RBM33: variants seen among roughly 807,000 people sequenced by gnomAD.
The protein encoded by RBM33 is RNA binding motif protein 33, also known as RNA-binding protein 33.
Under a neutral mutation model 132.6 loss-of-function variants are expected in RBM33, and 28 were observed. The ratio of observed to expected loss-of-function variants is 0.21; its 90% CI spans 0.16 to 0.29. The LOEUF is 0.29. RBM33 is among the 10% of genes least tolerant of loss of function. The pLI is 1.00. For synonymous variants in RBM33, 634 were observed against 593.0 expected (o/e 1.07, Z -1.01); for missense variants, 1,291 against 1,518.5 (o/e 0.85, Z 2.49).
intron 1 of RBM33, among the ~76,000 whole-genome samples, chr7:155,664,122 T>A (rs1164501195): frequency 6.6e-6 from 1 of 152,202 alleles, no homozygotes; most frequent in East Asian, 1.9e-4. Flanking sequence ...GGAATGTGGC[T>A]TGTTCACATT....
At chr7:155,666,138 A>C (rs1388700403) in intron 2 of RBM33, among the ~76,000 whole-genome samples, 1 of 152,176 alleles carries the variant, frequency 6.6e-6, no homozygotes, top group Non-Finnish European at 1.5e-5. Flanking sequence ...ATTCATTATG[A>C]AGGACTGGCT....
intron 14 of RBM33, among the ~76,000 whole-genome samples, chr7:155,760,053 T>C (rs1431105355): frequency 6.6e-6 from 1 of 152,246 alleles, no homozygotes; most frequent in East Asian, 1.9e-4. Context: ...ATTCTGATGC[T>C]ATAATCTCTC....
At chr7:155,773,174 A>T (rs1019936688) in intron 16 of RBM33, among the ~76,000 whole-genome samples, 25 of 152,188 alleles carry the variant, frequency 1.6e-4, no homozygotes, top group African/African-American at 5.5e-4. Context: ...AGACACAGCA[A>T]ATAGTTTCTG....
At chr7:155,646,363 A>G (rs968935083) in intron 1 of RBM33, among the ~76,000 whole-genome samples, 1 of 152,218 alleles carries the variant, frequency 6.6e-6, no homozygotes, top group African/African-American at 2.4e-5. Context: ...TGAGGTCAGA[A>G]GTTTTGAGAA....
chr7:155,746,052 T>C (rs929599698), intron 14 of RBM33, among the ~76,000 whole-genome samples: 4 of 152,216 alleles, frequency 2.6e-5, no homozygotes, highest in Non-Finnish European at 4.4e-5. Context: ...GTGTCGCCCA[T>C]CTGAGCAGAA....
intron 14 of RBM33, 55 bp from the exon 15 acceptor site, chr7:155,763,757 G>C (rs2117068135): frequency 6.6e-7 from 1 of 1,523,200 alleles, no homozygotes; most frequent in Non-Finnish European, 9.0e-7. Flanking sequence ...ATGCTGGGGA[G>C]GAGCTTTTGG....
chr7:155,683,228 T>C (rs115873884), intron 5 of RBM33, among the ~76,000 whole-genome samples: 115 of 152,268 alleles, frequency 7.6e-4, no homozygotes, highest in African/African-American at 2.6e-3. Context: ...CAGGAGGAGA[T>C]ACGCAGAGAA....
At chr7:155,700,244 G>A (rs1799918294) in intron 5 of RBM33, among the ~76,000 whole-genome samples, 3 of 152,326 alleles carry the variant, frequency 2.0e-5, no homozygotes, top group African/African-American at 4.8e-5. Flanking sequence ...GAAGTAAAAA[G>A]GAGTGAGAAA....
intron 7 of RBM33, 108 bp from the exon 8 acceptor site, chr7:155,711,095 G>T: frequency 7.2e-7 from 1 of 1,388,760 alleles, no homozygotes; most frequent in East Asian, 2.9e-5. Flanking sequence ...AATGCAATCA[G>T]TGTAAATTTG....
chr7:155,701,139 G>A, intron 6 of RBM33, 195 bp downstream of exon 6: 1 of 588,386 alleles, frequency 1.7e-6, no homozygotes, highest in East Asian at 2.8e-5. Flanking sequence ...TGCTGTTTAT[G>A]GATTTAAAAT....
chr7:155,666,116 A>G (rs1798793954), intron 2 of RBM33, among the ~76,000 whole-genome samples: 1 of 152,178 alleles, frequency 6.6e-6, no homozygotes, highest in Non-Finnish European at 1.5e-5. Context: ...CCAAAAGAAT[A>G]TATGTAGAAA....
intron 9 of RBM33, among the ~76,000 whole-genome samples, chr7:155,734,919 G>T: frequency 6.6e-6 from 1 of 152,080 alleles, no homozygotes; most frequent in Non-Finnish European, 1.5e-5. Flanking sequence ...AAATAATGCA[G>T]AACCTTGATT....
intron 14 of RBM33, among the ~76,000 whole-genome samples, chr7:155,757,663 G>T (rs1050910905): frequency 1.3e-5 from 2 of 152,164 alleles, no homozygotes; most frequent in African/African-American, 4.8e-5. Context: ...TTAGGGAGGT[G>T]TATTAGGCAG....
At chr7:155,736,704 ATTTCTT>A (rs1175803704) in intron 9 of RBM33, among the ~76,000 whole-genome samples, 6 of 152,194 alleles carry the variant, frequency 3.9e-5, no homozygotes, top group African/African-American at 1.4e-4. Flanking sequence ...TGCTGATTGA[ATTTCTT>A]TTTCTTTTAA....
intron 9 of RBM33, among the ~76,000 whole-genome samples, chr7:155,723,687 G>C (rs1460074673): frequency 6.6e-6 from 1 of 152,210 alleles, no homozygotes; most frequent in East Asian, 1.9e-4. Flanking sequence ...GTGTTGGATA[G>C]AGATAGGGCT....
intron 14 of RBM33, among the ~76,000 whole-genome samples, chr7:155,759,518 C>T (rs1398449407): frequency 2.7e-5 from 4 of 150,352 alleles, no homozygotes; most frequent in East Asian, 2.0e-4. Context: ...CCCGGGTTCA[C>T]GCCATTCTCC....
intron 16 of RBM33, among the ~76,000 whole-genome samples, chr7:155,772,555 A>G (rs1165346187): frequency 6.6e-6 from 1 of 152,214 alleles, no homozygotes; most frequent in African/African-American, 2.4e-5. Flanking sequence ...TATTGCTGAG[A>G]ATGTATCCAG....
intron 1 of RBM33, among the ~76,000 whole-genome samples, chr7:155,660,644 T>A (rs1798614666): frequency 6.6e-6 from 1 of 152,250 alleles, no homozygotes; most frequent in Non-Finnish European, 1.5e-5. Flanking sequence ...GAGTCATTTT[T>A]GTCTTGGTGC....
At chr7:155,679,580 T>C (rs1260096583) in intron 4 of RBM33, among the ~76,000 whole-genome samples, 3 of 152,216 alleles carry the variant, frequency 2.0e-5, no homozygotes, top group Non-Finnish European at 4.4e-5. Flanking sequence ...TTGTTATAAA[T>C]GTAATTAACA....
Sources: allele counts gnomAD v4.1 joint callset (sites outside exome capture counted in the v4.1 genomes callset), GRCh38; gene constraint gnomAD v4.1.1; transcripts MANE v1.5; gene names NCBI Gene and HGNC (gene_info 2026-07-23, HGNC 2026-07-21).